Variants in RARB observed in about 807,000 individuals in gnomAD.
RARB encodes retinoic acid receptor beta.
RARB carries 17 observed loss-of-function variants against 51.9 expected under a neutral mutation model. The ratio of observed to expected loss-of-function variants is 0.33; its 90% CI spans 0.22 to 0.49. The LOEUF is 0.49. Ranked by LOEUF, RARB falls within the 20% of genes least tolerant of loss-of-function variation. The pLI, the probability that RARB is intolerant of heterozygous loss-of-function variation, is 0.99. For missense variants in RARB, 369 were observed against 550.8 expected, an observed-to-expected ratio of 0.67 and a Z score of 3.30; for synonymous variants, 215 against 195.4, an observed-to-expected ratio of 1.10 and a Z score of -0.84.
At chr3:25,498,328 A>G (rs962068480) in intron 2 of RARB, among the ~76,000 whole-genome samples, 1 of 152,202 alleles carries the variant, frequency 6.6e-6, no homozygotes, top group African/African-American at 2.4e-5. Context: ...TGAGGTTTGT[A>G]TAAACTCATA....
At chr3:25,124,725 G>A (rs548698748) in intron 3 of RARB, among the ~76,000 whole-genome samples, 1 of 152,192 alleles carries the variant, frequency 6.6e-6, no homozygotes, top group Admixed American at 6.5e-5. Context: ...TTGAGATTGA[G>A]GTATTTGCTT....
chr3:25,403,469 A>T (rs1343191126), intron 5 of RARB, among the ~76,000 whole-genome samples: 1 of 152,182 alleles, frequency 6.6e-6, no homozygotes, highest in Non-Finnish European at 1.5e-5. Context: ...AAGTAAGGCC[A>T]TGTGAAGCCA....
chr3:25,359,000 G>A (rs960136178), intron 5 of RARB, among the ~76,000 whole-genome samples: 14 of 151,772 alleles, frequency 9.2e-5, no homozygotes, highest in African/African-American at 2.7e-4. Context: ...CTCATAAAAT[G>A]AGTTAGAGAG....
chr3:25,282,679 A>G (rs1024193623), intron 5 of RARB, among the ~76,000 whole-genome samples: 21 of 152,120 alleles, frequency 1.4e-4, no homozygotes, highest in African/African-American at 5.1e-4. Context: ...GCAGAGAGGA[A>G]GCCAGGGCAT....
intron 5 of RARB, among the ~76,000 whole-genome samples, chr3:25,292,748 G>A (rs1357964389): frequency 6.6e-6 from 1 of 152,154 alleles, no homozygotes; most frequent in African/African-American, 2.4e-5. Context: ...AAGTGGGGAA[G>A]AAAGAGCCCT....
intron 3 of RARB, among the ~76,000 whole-genome samples, chr3:25,077,057 G>C (rs1698884958): frequency 6.6e-6 from 1 of 152,172 alleles, no homozygotes; most frequent in Non-Finnish European, 1.5e-5. Context: ...GGCATCTAAA[G>C]TAGGGCAACT....
At chr3:25,274,343 T>TACA (rs2125412863) in intron 5 of RARB, among the ~76,000 whole-genome samples, 1 of 152,212 alleles carries the variant, frequency 6.6e-6, no homozygotes, top group African/African-American at 2.4e-5. Flanking sequence ...ACGCAACTAA[T>TACA]GGCCATAGGC....
At position 25,451,019 on chromosome 3, in the gene RARB, G is replaced by A. The variant is rs540222622; in HGVS notation, c.158-10174G>A. 6.6e-5 allele frequency among the ~76,000 whole-genome samples: 10 copies of A among 152,270 alleles called. No homozygotes were observed. In the South Asian group the frequency reaches 1.5e-3, roughly 22 times the overall value. On this transcript the variant is annotated intron_variant, in intron 1 of 7. Transcript: ENST00000330688. ...GGAGAATCTCTTGATCCCGGGAGGC[G>A]GAGGTTGCAGTGAGCTGAGATCGTG... is the stretch of plus-strand genomic sequence containing the variant.
intron 2 of RARB, among the ~76,000 whole-genome samples, chr3:24,936,707 T>A (rs1164089757): frequency 6.6e-6 from 1 of 152,244 alleles, no homozygotes; most frequent in Non-Finnish European, 1.5e-5. Flanking sequence ...AAATTATGAT[T>A]TTTGGCACTA....
intron 2 of RARB, among the ~76,000 whole-genome samples, chr3:24,876,247 T>A (rs1245045923): frequency 6.6e-6 from 1 of 152,188 alleles, no homozygotes; most frequent in African/African-American, 2.4e-5. Flanking sequence ...TATGTAAATA[T>A]CCTGAATCTC....
chr3:25,549,164 T>C (rs191030867), intron 3 of RARB, among the ~76,000 whole-genome samples: 4 of 152,176 alleles, frequency 2.6e-5, no homozygotes, highest in East Asian at 3.9e-4. Context: ...TTTATTGTTT[T>C]GTCCCATGTT....
intron 5 of RARB, among the ~76,000 whole-genome samples, chr3:25,386,751 TC>T: frequency 6.6e-6 from 1 of 152,328 alleles, no homozygotes; most frequent in Non-Finnish European, 1.5e-5. Context: ...GGCCACTAGT[TC>T]CACATATTTC....
intron 5 of RARB, among the ~76,000 whole-genome samples, chr3:25,210,343 CAGG>C (rs1457300553): frequency 1.3e-5 from 2 of 151,912 alleles, no homozygotes; most frequent in Non-Finnish European, 2.9e-5. Flanking sequence ...ATCTTGACCA[CAGG>C]CCAGCAAATT....
chr3:25,308,961 T>G (rs1458909666), intron 5 of RARB, among the ~76,000 whole-genome samples: 1 of 152,108 alleles, frequency 6.6e-6, no homozygotes, highest in Non-Finnish European at 1.5e-5. Context: ...TATTTCTTGT[T>G]AATGTAAACT....
chr3:25,413,173 T>A (rs1414965163), intron 5 of RARB, among the ~76,000 whole-genome samples: 1 of 152,218 alleles, frequency 6.6e-6, no homozygotes, highest in East Asian at 1.9e-4. Context: ...TAACTTCTAA[T>A]GAGATTAACT....
intron 5 of RARB, among the ~76,000 whole-genome samples, chr3:25,207,412 G>A (rs1701578031): frequency 6.6e-6 from 1 of 152,134 alleles, no homozygotes. Flanking sequence ...GGGACATGTA[G>A]TCACATCTTA....
At chr3:25,571,432 T>A (rs1700706460) in intron 4 of RARB, among the ~76,000 whole-genome samples, 2 of 152,318 alleles carry the variant, frequency 1.3e-5, no homozygotes, top group South Asian at 4.1e-4. Context: ...GGTGGCACTC[T>A]GGGGTCCACC....
chr3:24,877,866 C>G (rs1703077414), intron 2 of RARB, among the ~76,000 whole-genome samples: 1 of 152,176 alleles, frequency 6.6e-6, no homozygotes, highest in South Asian at 2.1e-4. Flanking sequence ...GAATGTGAGC[C>G]TCTAATCGGC....
intron 2 of RARB, among the ~76,000 whole-genome samples, chr3:25,051,276 T>A (rs9310769): frequency 0.76 from 115,102 of 151,972 alleles, 43,791 homozygotes; most frequent in East Asian, 0.91. Context: ...TAGAAACGTG[T>A]AATTGTTGTT....
Sources: gnomAD v4.1 joint callset for allele counts (sites outside exome capture counted in the v4.1 genomes callset) on GRCh38, gnomAD v4.1.1 for gene constraint, MANE v1.5 for transcripts, NCBI Gene and HGNC (gene_info 2026-07-23, HGNC 2026-07-21) for gene names.